Variants in LRP1B observed in about 807,000 individuals in gnomAD.
LRP1B encodes low-density lipoprotein receptor-related protein 1B.
Under a neutral mutation model 556.6 loss-of-function variants are expected in LRP1B, and 217 were observed. That is an observed-to-expected ratio of 0.39 (90% confidence interval 0.35 to 0.44). LRP1B has a LOEUF of 0.44. LRP1B is among the 20% of genes least tolerant of loss of function. The pLI is 1.00. For missense variants in LRP1B, 5,053 were observed against 5,620.8 expected, an observed-to-expected ratio of 0.90 and a Z score of 3.23; for synonymous variants, 2,047 against 1,865.8, an observed-to-expected ratio of 1.10 and a Z score of -2.50.
chr2:140,529,172 A>G (rs77405243), intron 47 of LRP1B, among the ~76,000 whole-genome samples: 1,938 of 152,186 alleles, frequency 0.013, 21 homozygotes, highest in Non-Finnish European at 0.019. Context: ...ATGAGGCACT[A>G]CAAAGGAAGA....
intron 66 of LRP1B, among the ~76,000 whole-genome samples, chr2:140,393,181 G>C (rs1684100712): frequency 6.6e-6 from 1 of 151,158 alleles, no homozygotes; most frequent in African/African-American, 2.4e-5. Flanking sequence ...CAGAGGTCAA[G>C]ATAAATACAT....
chr2:140,603,784 TA>T (rs1276094501), intron 41 of LRP1B, among the ~76,000 whole-genome samples: 1 of 152,154 alleles, frequency 6.6e-6, no homozygotes, highest in African/African-American at 2.4e-5. Context: ...TGCTACATTT[TA>T]AAATATTTTA....
Position 140,617,270 on chromosome 2 carries a change from A to G in LRP1B, c.6800-15631T>C, listed in dbSNP as rs552539510. ...AAAAACAGAATGTAAGCATCTTAAG[A>G]TGTGTGTTACTCTAAATATCACACA... On this transcript the variant is annotated intron_variant, in intron 41 of 90. Coordinates refer to ENST00000389484, the MANE Select transcript of LRP1B (RefSeq NM_018557.3). Among the ~76,000 whole-genome samples the G allele has an allele frequency of 6.6e-5, 10 of 152,100 alleles. No individual in the cohort carries two copies. The South Asian group carries it at 2.1e-3, about 32-fold the overall frequency.
intron 7 of LRP1B, among the ~76,000 whole-genome samples, chr2:141,147,659 T>C (rs1558892613): frequency 6.6e-6 from 1 of 152,188 alleles, no homozygotes; most frequent in Non-Finnish European, 1.5e-5. Flanking sequence ...AAGTACATTT[T>C]ATTGAGATTT....
chr2:141,103,709 T>TA (rs5834804), intron 7 of LRP1B, among the ~76,000 whole-genome samples: 1 of 23,752 alleles, frequency 4.2e-5, no homozygotes, highest in African/African-American at 1.2e-4. Flanking sequence ...AAGGCTGAAG[T>TA]TTTTTTTTTT....
intron 15 of LRP1B, among the ~76,000 whole-genome samples, chr2:141,001,696 TC>T (rs1448641148): frequency 6.6e-6 from 1 of 152,090 alleles, no homozygotes; most frequent in Non-Finnish European, 1.5e-5. Context: ...TTGTGCTACC[TC>T]CCATCTTTAA....
intron 2 of LRP1B, among the ~76,000 whole-genome samples, chr2:141,802,421 G>A (rs1479970244): frequency 6.6e-6 from 1 of 152,010 alleles, no homozygotes; most frequent in Non-Finnish European, 1.5e-5. Flanking sequence ...CTGAAAATCA[G>A]AAAAGCTAAT....
intron 2 of LRP1B, among the ~76,000 whole-genome samples, chr2:141,707,159 CTT>C (rs1030581457): frequency 6.6e-6 from 1 of 152,068 alleles, no homozygotes; most frequent in African/African-American, 2.4e-5. Flanking sequence ...TGGACTATGA[CTT>C]TACCTTCTGG....
At chr2:142,048,350 A>T (rs550029748) in intron 1 of LRP1B, among the ~76,000 whole-genome samples, 2 of 152,228 alleles carry the variant, frequency 1.3e-5, no homozygotes, top group Middle Eastern at 3.4e-3. Flanking sequence ...ACAGCTAATA[A>T]TTGGCACAGT....
intron 7 of LRP1B, among the ~76,000 whole-genome samples, chr2:141,136,513 A>T (rs928933613): frequency 6.6e-6 from 1 of 151,284 alleles, no homozygotes; most frequent in African/African-American, 2.4e-5. Flanking sequence ...TTTAAATTTT[A>T]TTTCCTTTCC....
chr2:142,098,834 T>C (rs1197752672), intron 1 of LRP1B, among the ~76,000 whole-genome samples: 1 of 151,808 alleles, frequency 6.6e-6, no homozygotes, highest in African/African-American at 2.4e-5. Context: ...CATGGATAAA[T>C]GAGAAATCAA....
At chr2:141,756,691 T>C (rs1694333515) in intron 2 of LRP1B, among the ~76,000 whole-genome samples, 1 of 152,046 alleles carries the variant, frequency 6.6e-6, no homozygotes, top group South Asian at 2.1e-4. Context: ...TTTAGACATG[T>C]TCCCATACAC....
chr2:140,879,441 A>C (rs1260524937), intron 25 of LRP1B, among the ~76,000 whole-genome samples: 1 of 152,116 alleles, frequency 6.6e-6, no homozygotes, highest in Non-Finnish European at 1.5e-5. Context: ...TCACTATGAG[A>C]CTAAAATTTT....
intron 11 of LRP1B, among the ~76,000 whole-genome samples, chr2:141,046,196 C>T (rs1698865050): frequency 6.6e-6 from 1 of 152,110 alleles, no homozygotes; most frequent in African/African-American, 2.4e-5. Flanking sequence ...TTACAAACAG[C>T]AAACTCTTTA....
At chr2:140,389,966 T>TA (rs1477580287) in intron 66 of LRP1B, among the ~76,000 whole-genome samples, 1 of 151,720 alleles carries the variant, frequency 6.6e-6, no homozygotes, top group African/African-American at 2.4e-5. Flanking sequence ...CCATCTCTAC[T>TA]AAAAAACATG....
chr2:141,540,953 G>A (rs566161002), intron 2 of LRP1B, among the ~76,000 whole-genome samples: 2 of 151,974 alleles, frequency 1.3e-5, no homozygotes, highest in South Asian at 4.2e-4. Flanking sequence ...GAAAATATAT[G>A]CAAGACATAC....
intron 18 of LRP1B, among the ~76,000 whole-genome samples, chr2:140,954,965 G>T (rs541427127): frequency 6.6e-6 from 1 of 152,084 alleles, no homozygotes; most frequent in East Asian, 1.9e-4. Flanking sequence ...CAGGAGGAAA[G>T]TTATTAATGT....
chr2:140,563,541 C>T (rs185019483), intron 43 of LRP1B, among the ~76,000 whole-genome samples: 10 of 152,276 alleles, frequency 6.6e-5, no homozygotes, highest in African/African-American at 1.9e-4. Flanking sequence ...AATACTGTAA[C>T]CACTTTTCCT....
At chr2:141,155,477 T>A (rs13009190) in intron 7 of LRP1B, among the ~76,000 whole-genome samples, 26 of 55,070 alleles carry the variant, frequency 4.7e-4, no homozygotes, top group Non-Finnish European at 1.6e-3. Flanking sequence ...TTTTTTTCTT[T>A]TTATTATTAT....
Sources: allele counts gnomAD v4.1 joint callset (sites outside exome capture counted in the v4.1 genomes callset), GRCh38; gene constraint gnomAD v4.1.1; transcripts MANE v1.5; gene names NCBI Gene and HGNC (gene_info 2026-07-23, HGNC 2026-07-21).